Variants in CACNA1D observed in about 807,000 individuals in gnomAD.
CACNA1D encodes voltage-dependent L-type calcium channel subunit alpha-1D.
CACNA1D carries 55 observed loss-of-function variants against 257.1 expected under a neutral mutation model. The ratio of observed to expected loss-of-function variants is 0.21; its 90% confidence interval spans 0.17 to 0.27. The LOEUF (loss-of-function observed/expected upper bound fraction) is 0.27, where lower values mean the gene tolerates loss of function less well. Among genes scored for constraint, CACNA1D ranks in the 10% least tolerant of loss-of-function variants. The pLI is 1.00. For missense variants in CACNA1D, 1,876 were observed against 2,784.0 expected, an observed-to-expected ratio of 0.67 and a Z score of 7.34; for synonymous variants, 980 against 1,014.9, an observed-to-expected ratio of 0.97 and a Z score of 0.65.
At chr3:53,515,800 GT>G (rs1472477584) in intron 3 of CACNA1D, among the ~76,000 whole-genome samples, 1 of 152,200 alleles carries the variant, frequency 6.6e-6, no homozygotes, top group Non-Finnish European at 1.5e-5. Flanking sequence ...TAGTCATGTT[GT>G]TGAGAGGATT....
intron 3 of CACNA1D, among the ~76,000 whole-genome samples, chr3:53,618,067 C>T (rs868372341): frequency 2.0e-5 from 3 of 152,180 alleles, no homozygotes; most frequent in South Asian, 2.1e-4. Context: ...TCTTTGCATC[C>T]ACCAAGTCAC....
chr3:53,659,871 G>T (rs1000499425), intron 4 of CACNA1D, among the ~76,000 whole-genome samples: 1 of 152,208 alleles, frequency 6.6e-6, no homozygotes, highest in African/African-American at 2.4e-5. Context: ...TTCCCAGGGA[G>T]TCCCCTCTTC....
At chr3:53,775,005 A>G (rs780892267) in intron 34 of CACNA1D, among the ~76,000 whole-genome samples, 11 of 152,254 alleles carry the variant, frequency 7.2e-5, no homozygotes, top group Non-Finnish European at 1.3e-4. Context: ...GAACACGACC[A>G]GGAAGACAGA....
chr3:53,725,004 C>T (rs1358204880), intron 14 of CACNA1D, among the ~76,000 whole-genome samples: 31 of 145,070 alleles, frequency 2.1e-4, no homozygotes, highest in East Asian at 2.0e-4. Context: ...AAACTGGTGT[C>T]TTTTTTTTTT....
rs1342014169 is a variant in CACNA1D, at chr3:53,813,502, A to G, written c.*2096A>G. 1 of 152,204 alleles carries G rather than the reference A, an allele frequency of 6.6e-6. No individual in the cohort carries two copies. The highest frequency in any genetic ancestry group is 1.5e-5 in the Non-Finnish European group (1 of 68,050). The allele number at this position is 152,204 out of a possible 1,614,324, so 9.4% of individuals were successfully genotyped here. A position where few individuals can be genotyped will look rare whatever the true frequency, so the allele number is the denominator to read the frequency against. ...AGCGCCATTTCTCCTAAAGGGCTAC[A>G]CCACTGTCAACATTATCCTGGACTC... On this transcript the variant is annotated 3_prime_UTR_variant, in exon 48 of 48. Transcript: ENST00000350061.
chr3:53,507,985 C>G (rs1176896479), intron 3 of CACNA1D, among the ~76,000 whole-genome samples: 1 of 148,042 alleles, frequency 6.8e-6, no homozygotes, highest in African/African-American at 2.5e-5. Flanking sequence ...AAAGGGGGGG[C>G]TGAAAAGATG....
chr3:53,501,457 T>C (rs2090600062), intron 2 of CACNA1D, among the ~76,000 whole-genome samples, 158 bp from the exon 3 acceptor site: 1 of 152,228 alleles, frequency 6.6e-6, no homozygotes, highest in African/African-American at 2.4e-5. Context: ...GATGATTACT[T>C]CTGCCGAAAA....
At chr3:53,760,426 G>A (rs1326623694) in intron 29 of CACNA1D, among the ~76,000 whole-genome samples, 1 of 152,152 alleles carries the variant, frequency 6.6e-6, no homozygotes, top group Non-Finnish European at 1.5e-5. Context: ...AGCACTAAAT[G>A]TACCCCGTTG....
intron 3 of CACNA1D, chr3:53,530,292 A>T (rs1286692391): frequency 6.6e-6 from 1 of 152,146 alleles, no homozygotes; most frequent in East Asian, 1.9e-4. Flanking sequence ...TACAGGGAAA[A>T]AGGGAATCAT....
intron 2 of CACNA1D, among the ~76,000 whole-genome samples, chr3:53,500,254 A>T (rs931228391): frequency 9.1e-5 from 1 of 10,972 alleles, no homozygotes; most frequent in Non-Finnish European, 3.9e-4. Flanking sequence ...TGTCTCTACT[A>T]AAAAAAAAAA....
At chr3:53,666,611 A>C in intron 7 of CACNA1D, 76 bp downstream of exon 7, 2 of 1,233,142 alleles carry the variant, frequency 1.6e-6, no homozygotes, top group South Asian at 2.4e-5. Context: ...GAGCCACTGG[A>C]GAGGTGGCTG....
At chr3:53,519,251 TAGAC>T (rs1485989330) in intron 3 of CACNA1D, among the ~76,000 whole-genome samples, 4 of 152,308 alleles carry the variant, frequency 2.6e-5, no homozygotes, top group Admixed American at 2.0e-4. Flanking sequence ...TTTACAGAAG[TAGAC>T]AGAATTGCTT....
At chr3:53,634,375 A>G (rs1228882173) in intron 3 of CACNA1D, among the ~76,000 whole-genome samples, 1 of 152,174 alleles carries the variant, frequency 6.6e-6, no homozygotes, top group African/African-American at 2.4e-5. Flanking sequence ...AATTAACGGG[A>G]CAGATGTGGT....
At chr3:53,539,979 G>A (rs2092251312) in intron 3 of CACNA1D, among the ~76,000 whole-genome samples, 1 of 151,378 alleles carries the variant, frequency 6.6e-6, no homozygotes, top group African/African-American at 2.4e-5. Flanking sequence ...ATTTTTATAT[G>A]TATTGGGTAC....
chr3:53,548,371 T>TA (rs869046550), intron 3 of CACNA1D, among the ~76,000 whole-genome samples: 11 of 138,112 alleles, frequency 8.0e-5, no homozygotes, highest in East Asian at 2.1e-4. Context: ...TTTTTTTTTT[T>TA]AAAAATTATC....
chr3:53,776,747 T>G lies in CACNA1D; in HGVS notation c.4490+17T>G. The G allele has an allele frequency of 6.2e-7, 1 of 1,614,230 alleles. No homozygotes were observed. The highest frequency in any genetic ancestry group is 8.5e-7 in the Non-Finnish European group (1 of 1,180,040). On this transcript the variant is annotated intron_variant, in intron 36 of 47. Coordinates refer to ENST00000350061, the MANE Select transcript of CACNA1D (RefSeq NM_001128840.3). The stretch of plus-strand genomic sequence containing the variant: ...TGAGGCAAAGTAGGTTGAAAAATAT[T>G]TGATTTGGCGTGTGTGGGTGGATTT...
At chr3:53,781,890 C>T (rs2095427178) in intron 39 of CACNA1D, 6 of 558,516 alleles carry the variant, frequency 1.1e-5, no homozygotes, top group Admixed American at 3.2e-5. Context: ...AACCAAAACT[C>T]ACATGGCTGG....
At chr3:53,537,563 A>C (rs1313125682) in intron 3 of CACNA1D, among the ~76,000 whole-genome samples, 1 of 152,230 alleles carries the variant, frequency 6.6e-6, no homozygotes, top group East Asian at 1.9e-4. Flanking sequence ...AAAAATAATA[A>C]TTCCTTAGTG....
chr3:53,799,180 A>G (rs969828743), intron 40 of CACNA1D, among the ~76,000 whole-genome samples: 1 of 152,222 alleles, frequency 6.6e-6, no homozygotes, highest in African/African-American at 2.4e-5. Context: ...CAGAGAGGAC[A>G]TGCCTTCTTC....
Sources: gnomAD v4.1 joint callset for allele counts (sites outside exome capture counted in the v4.1 genomes callset) on GRCh38, gnomAD v4.1.1 for gene constraint, MANE v1.5 for transcripts, NCBI Gene and HGNC (gene_info 2026-07-23, HGNC 2026-07-21) for gene names.